CASD1: variants seen among roughly 807,000 people sequenced by gnomAD.
CASD1 encodes the protein N-acetylneuraminate (7)9-O-acetyltransferase.
A neutral mutation model predicts 100.0 loss-of-function variants in CASD1; 41 were observed. The ratio of observed to expected loss-of-function variants is 0.41; its 90% CI spans 0.32 to 0.53. The LOEUF (loss-of-function observed/expected upper bound fraction) is 0.53, where lower values mean the gene tolerates loss of function less well. CASD1 is among the 20% of genes least tolerant of loss of function. The pLI is 0.25. For synonymous variants in CASD1, 321 were observed against 315.6 expected, an observed-to-expected ratio of 1.02 and a Z score of -0.18; for missense variants, 774 against 948.7, an observed-to-expected ratio of 0.82 and a Z score of 2.42.
chr7:94,630,188 A>C, the CASD1 span, among the ~76,000 whole-genome samples: 1 of 151,862 alleles, frequency 6.6e-6, no homozygotes, highest in Non-Finnish European at 1.5e-5. Context: ...AAAATACATC[A>C]TGAGAACTGA....
chr7:94,563,638 A>AT, the CASD1 span, among the ~76,000 whole-genome samples: 3 of 151,752 alleles, frequency 2.0e-5, no homozygotes, highest in Non-Finnish European at 4.4e-5. Flanking sequence ...AAATCCATAC[A>AT]TTTTTCATTA....
chr7:94,610,724 G>T, the CASD1 span, among the ~76,000 whole-genome samples: 1 of 152,144 alleles, frequency 6.6e-6, no homozygotes, highest in South Asian at 2.1e-4. Flanking sequence ...ACAATCCATG[G>T]AATAGGAGAA....
chr7:94,593,106 G>C, the CASD1 span, among the ~76,000 whole-genome samples: 1 of 152,028 alleles, frequency 6.6e-6, no homozygotes, highest in East Asian at 1.9e-4. Flanking sequence ...AGTTGTCATT[G>C]TGACCAAAAG....
the CASD1 span, among the ~76,000 whole-genome samples, chr7:94,593,164 C>T: frequency 6.6e-6 from 1 of 152,092 alleles, no homozygotes; most frequent in Non-Finnish European, 1.5e-5. Flanking sequence ...TGATTAGATA[C>T]TGTCTTCAAT....
intron 10 of CASD1, among the ~76,000 whole-genome samples, chr7:94,542,194 C>T (rs1399698714): frequency 6.6e-6 from 1 of 152,102 alleles, no homozygotes; most frequent in East Asian, 1.9e-4. Context: ...GAATGATTAA[C>T]CTAGGTTCGA....
chr7:94,563,490 T>C, the CASD1 span, among the ~76,000 whole-genome samples: 2 of 152,188 alleles, frequency 1.3e-5, no homozygotes, highest in East Asian at 3.9e-4. Flanking sequence ...TTGTGCAACT[T>C]AAGGGCTTGT....
intron 6 of CASD1, 55 bp from the exon 7 acceptor site, chr7:94,533,624 C>A: frequency 1.5e-6 from 2 of 1,355,236 alleles, no homozygotes; most frequent in Non-Finnish European, 1.0e-6. Context: ...AAATTATATA[C>A]TTTAATTGTT....
downstream of CASD1, among the ~76,000 whole-genome samples, chr7:94,561,700 T>TA (rs1796342427): frequency 6.6e-6 from 1 of 152,094 alleles, no homozygotes; most frequent in South Asian, 2.1e-4. Flanking sequence ...ATGTCACTCC[T>TA]ACACCAGCTT....
At chr7:94,547,210 A>G (rs1795723452) in intron 13 of CASD1, 35 bp downstream of exon 13, 10 of 1,446,274 alleles carry the variant, frequency 6.9e-6, no homozygotes, top group Admixed American at 2.2e-5. Flanking sequence ...ATTTTTTCAT[A>G]TTTTATTTTA....
chr7:94,560,652 A>G (rs958715180), downstream of CASD1, among the ~76,000 whole-genome samples: 3 of 152,214 alleles, frequency 2.0e-5, no homozygotes, highest in African/African-American at 7.2e-5. Flanking sequence ...TAGAATCAGC[A>G]TAAAAACAGA....
the CASD1 span, among the ~76,000 whole-genome samples, chr7:94,608,566 A>G: frequency 1.3e-5 from 2 of 152,234 alleles, no homozygotes; most frequent in Non-Finnish European, 2.9e-5. Flanking sequence ...GATATTAACA[A>G]ACTTATTCTA....
rs369679895 is a variant in CASD1, at chr7:94,544,391, C to G, written c.1357-20C>G. On this transcript the variant is annotated intron_variant, in intron 10 of 17. Transcript: ENST00000297273. ...TAGTTGATGCCAACATATGTTTTAC[C>G]TGTTTATCTTTGTCAACAGTTTTTG... 2.5e-6 allele frequency: 4 copies of G among 1,611,194 alleles called. No individual in the cohort carries two copies. The highest frequency in any genetic ancestry group is 2.2e-5 in the South Asian group (2 of 90,576).
At chr7:94,575,511 C>T in the CASD1 span, among the ~76,000 whole-genome samples, 1 of 152,084 alleles carries the variant, frequency 6.6e-6, no homozygotes, top group Non-Finnish European at 1.5e-5. Flanking sequence ...GATGAGAATG[C>T]ATACTCTGTT....
the CASD1 span, among the ~76,000 whole-genome samples, chr7:94,582,009 CTA>C: frequency 6.6e-6 from 1 of 152,168 alleles, no homozygotes; most frequent in Non-Finnish European, 1.5e-5. Context: ...AAAAGCATTC[CTA>C]TTTCTCCACA....
the CASD1 span, chr7:94,586,690 CAG>C: frequency 4.4e-6 from 1 of 229,078 alleles, no homozygotes; most frequent in Non-Finnish European, 7.2e-6. Flanking sequence ...TTAGTAGAGA[CAG>C]GGCTTCGCCA....
the CASD1 span, among the ~76,000 whole-genome samples, chr7:94,613,077 T>A: frequency 6.6e-6 from 1 of 152,204 alleles, no homozygotes; most frequent in Non-Finnish European, 1.5e-5. Context: ...GGTAGCCTAC[T>A]GGCTAAATGA....
chr7:94,563,196 C>T, the CASD1 span, among the ~76,000 whole-genome samples: 1 of 152,112 alleles, frequency 6.6e-6, no homozygotes, highest in East Asian at 1.9e-4. Context: ...AACCTGAAGA[C>T]GTTGAGTGGA....
chr7:94,593,588 T>G, the CASD1 span, among the ~76,000 whole-genome samples: 6 of 152,164 alleles, frequency 3.9e-5, no homozygotes, highest in Middle Eastern at 3.4e-3. Context: ...ATAACATTTT[T>G]TCAATGGCTT....
chr7:94,515,339 A>T (rs1443433054), intron 1 of CASD1, among the ~76,000 whole-genome samples: 1 of 152,090 alleles, frequency 6.6e-6, no homozygotes, highest in South Asian at 2.1e-4. Flanking sequence ...TCTTCCATGG[A>T]AAGCTCAGTA....
Sources: gnomAD v4.1 joint callset for allele counts (sites outside exome capture counted in the v4.1 genomes callset) on GRCh38, gnomAD v4.1.1 for gene constraint, MANE v1.5 for transcripts, NCBI Gene and HGNC (gene_info 2026-07-23, HGNC 2026-07-21) for gene names.